The following NDST1 variants were observed in gnomAD, a reference collection of about 807,000 sequenced individuals.
NDST1 encodes N-deacetylase and N-sulfotransferase 1.
Under a neutral mutation model 92.8 loss-of-function variants are expected in NDST1, and 35 were observed. The ratio of observed to expected loss-of-function variants is 0.38; its 90% CI spans 0.29 to 0.50. NDST1 has a LOEUF of 0.50. Ranked by LOEUF, NDST1 falls within the 20% of genes least tolerant of loss-of-function variation. The pLI is 0.94. For synonymous variants in NDST1, 493 were observed against 500.3 expected (o/e 0.99, Z 0.19); for missense variants, 822 against 1,182.7 (o/e 0.69, Z 4.47).
chr5:150,506,624 G>A (rs184436112), upstream of NDST1, among the ~76,000 whole-genome samples: 50 of 152,238 alleles, frequency 3.3e-4, no homozygotes, highest in East Asian at 7.0e-3. Context: ...TTTGCTCCAC[G>A]TTTCTGTTCT....
intron 12 of NDST1, among the ~76,000 whole-genome samples, chr5:150,548,633 C>T (rs1454441229): frequency 1.3e-5 from 2 of 151,980 alleles, no homozygotes; most frequent in African/African-American, 4.8e-5. Context: ...ATGTCCCGAG[C>T]TCACGCAATC....
At chr5:150,514,514 T>G (rs1753867960) in intron 1 of NDST1, among the ~76,000 whole-genome samples, 1 of 134,480 alleles carries the variant, frequency 7.4e-6, no homozygotes. Flanking sequence ...TGAGCCAAGA[T>G]AGTGCCATTG....
intron 2 of NDST1, 70 bp from the exon 3 acceptor site, chr5:150,527,734 G>T: frequency 1.2e-6 from 2 of 1,600,862 alleles, no homozygotes; most frequent in South Asian, 2.2e-5. Flanking sequence ...GTCCACATGT[G>T]AGAGACTGTG....
chr5:150,502,583 A>G (rs545507302), intron 1 of NDST1, among the ~76,000 whole-genome samples: 3 of 152,234 alleles, frequency 2.0e-5, no homozygotes, highest in South Asian at 2.1e-4. Context: ...AGGAACAGCA[A>G]CAGGGGTTGT....
In NDST1 at chr5:150,549,624, C is replaced by G. The variant is rs1755636252; in HGVS notation, c.2317-54C>G. 6 of 1,096,828 alleles carry G rather than the reference C, an allele frequency of 5.5e-6. No homozygotes were observed. In the South Asian group the frequency reaches 7.7e-5, roughly 14 times the overall value. The allele number at this position is 1,096,828 out of a possible 1,614,324, so 67.9% of individuals were successfully genotyped here. On this transcript the variant is annotated intron_variant, in intron 12 of 14. Coordinates refer to ENST00000261797, the MANE Select transcript of NDST1 (RefSeq NM_001543.5). The stretch of plus-strand genomic sequence containing the variant: ...CCATTCCTGCTGCCGTGGCTGTTGC[C>G]CTTGTTTGCCACCGAAGTCAAAGCA...
chr5:150,512,212 T>C (rs1278503936), intron 1 of NDST1, among the ~76,000 whole-genome samples: 2 of 152,106 alleles, frequency 1.3e-5, no homozygotes, highest in Non-Finnish European at 2.9e-5. Context: ...ATGATGCCAT[T>C]TGAGCCTGTC....
chr5:150,543,849 G>T (rs369683000), intron 10 of NDST1, among the ~76,000 whole-genome samples: 1 of 151,410 alleles, frequency 6.6e-6, no homozygotes, highest in African/African-American at 2.4e-5. Flanking sequence ...GCGCGATCTC[G>T]GCTTACTGCA....
intron 1 of NDST1, among the ~76,000 whole-genome samples, chr5:150,513,565 A>G (rs1021371219): frequency 2.4e-4 from 37 of 152,172 alleles, no homozygotes; most frequent in Non-Finnish European, 2.4e-4. Flanking sequence ...CTAGAGTGAA[A>G]TAGAAGGGTG....
At chr5:150,532,821 C>T (rs777144665) in intron 3 of NDST1, 124 bp from the exon 4 acceptor site, 14 of 936,186 alleles carry the variant, frequency 1.5e-5, no homozygotes, top group African/African-American at 3.2e-5. Context: ...GCCACCACGC[C>T]GTCCTTGACA....
chr5:150,535,307 T>C, intron 5 of NDST1: 3 of 985,380 alleles, frequency 3.0e-6, no homozygotes, highest in Non-Finnish European at 1.2e-6. Flanking sequence ...CCCAAGCTCT[T>C]ACTAGAAGGG....
At chr5:150,522,623 C>T (rs954699156) in intron 2 of NDST1, among the ~76,000 whole-genome samples, 7 of 152,124 alleles carry the variant, frequency 4.6e-5, no homozygotes, top group East Asian at 3.8e-4. Context: ...CCTGTGCTAG[C>T]GGTGATCGAA....
chr5:150,524,105 TA>T (rs35071244), intron 2 of NDST1, among the ~76,000 whole-genome samples: 2 of 152,192 alleles, frequency 1.3e-5, no homozygotes, highest in Non-Finnish European at 2.9e-5. Context: ...AGCAGGGACT[TA>T]AAAGTCCAGA....
chr5:150,512,967 C>G (rs1341736615), intron 1 of NDST1, among the ~76,000 whole-genome samples: 1 of 152,192 alleles, frequency 6.6e-6, no homozygotes, highest in African/African-American at 2.4e-5. Context: ...CTTTGGGAAG[C>G]CAAGGCAGGA....
In NDST1 at chr5:150,546,511, G is replaced by A. The variant is rs1443621683; in HGVS notation, c.2145+1025G>A. 3.3e-5 allele frequency among the ~76,000 whole-genome samples: 5 copies of A among 152,232 alleles called. No homozygotes were observed. The East Asian group carries it at 7.7e-4, about 23-fold the overall frequency. ...ACCCTGTTGTCCAGGCCGAGGTCCT[G>A]AGCATCCTCGTTAACCCAGCAGACC... On this transcript the variant is annotated intron_variant, in intron 11 of 14. Coordinates refer to ENST00000261797, the MANE Select transcript of NDST1 (RefSeq NM_001543.5).
intron 1 of NDST1, among the ~76,000 whole-genome samples, chr5:150,516,975 T>G (rs1334680207): frequency 1.7e-5 from 2 of 119,174 alleles, no homozygotes; most frequent in Non-Finnish European, 3.5e-5. Flanking sequence ...TGACATTTTC[T>G]AGTGTGTGTG....
chr5:150,523,553 G>T (rs1754335575), intron 2 of NDST1, among the ~76,000 whole-genome samples: 1 of 152,224 alleles, frequency 6.6e-6, no homozygotes, highest in Non-Finnish European at 1.5e-5. Flanking sequence ...ATAGGTCTGG[G>T]ATTTGAACTC....
rs1270160962 is a variant in NDST1, at chr5:150,556,896, T to C, written c.*3564T>C. Reference sequence around the variant, plus strand: ...ATGTTTTTAAAACCTCTTTGAATGCTGAAAGGTCTTCCCTCAGCTCACTTT... The same window carrying C: ...ATGTTTTTAAAACCTCTTTGAATGCCGAAAGGTCTTCCCTCAGCTCACTTT... On this transcript the variant is annotated 3_prime_UTR_variant, in exon 15 of 15. Transcript: ENST00000261797. The C allele has an allele frequency of 6.5e-6, 1 of 152,678 alleles. No homozygotes were observed. The highest frequency in any genetic ancestry group is 1.5e-5 in the Non-Finnish European group (1 of 68,054). The allele number at this position is 152,678 out of a possible 1,614,324, so 9.5% of individuals were successfully genotyped here.
chr5:150,556,054 G>T lies in NDST1; in HGVS notation c.*2722G>T, dbSNP rs552241772. On this transcript the variant is annotated 3_prime_UTR_variant, in exon 15 of 15. Coordinates refer to ENST00000261797, the MANE Select transcript of NDST1 (RefSeq NM_001543.5). ...TGCCTGGGGGGCTGTTAGCTAATGG[G>T]TACAAGGACACCCCCTCCCGAGAAG... 8.5e-5 allele frequency: 13 copies of T among 152,460 alleles called. No individual in the cohort carries two copies. The highest frequency in any genetic ancestry group is 3.1e-4 in the African/African-American group (13 of 41,542). 9.4% of individuals were successfully genotyped at this position (152,460 alleles called of 1,614,324 possible).
intron 10 of NDST1, among the ~76,000 whole-genome samples, chr5:150,543,365 A>G (rs1259075295): frequency 1.3e-5 from 2 of 152,154 alleles, no homozygotes; most frequent in African/African-American, 2.4e-5. Context: ...TGGGCCCTTC[A>G]GGGACAGGTC....
Sources: allele counts gnomAD v4.1 joint callset (sites outside exome capture counted in the v4.1 genomes callset), GRCh38; gene constraint gnomAD v4.1.1; transcripts MANE v1.5; gene names NCBI Gene and HGNC (gene_info 2026-07-23, HGNC 2026-07-21).